SEC22A: variants seen among roughly 807,000 people sequenced by gnomAD.
SEC22A encodes the protein vesicle-trafficking protein SEC22a.
In SEC22A, 22 loss-of-function variants were observed where a neutral mutation model predicts 35.3. That is an observed-to-expected ratio of 0.62 (90% CI 0.45 to 0.89). The LOEUF is 0.89. Ranked by LOEUF, SEC22A falls within the 40% of genes least tolerant of loss-of-function variation. SEC22A has a pLI of 0.00. For missense variants in SEC22A, 354 were observed against 362.5 expected, an observed-to-expected ratio of 0.98 and a Z score of 0.19; for synonymous variants, 119 against 129.5, an observed-to-expected ratio of 0.92 and a Z score of 0.55.
intron 1 of SEC22A, chr3:123,208,496 A>G (rs1037399271): frequency 6.6e-6 from 1 of 152,178 alleles, no homozygotes; most frequent in African/African-American, 2.4e-5. Context: ...AATGCCAGAC[A>G]GAAGTATTAT....
intron 5 of SEC22A, among the ~76,000 whole-genome samples, chr3:123,252,623 T>C (rs1369682993): frequency 6.6e-6 from 1 of 152,236 alleles, no homozygotes; most frequent in African/African-American, 2.4e-5. Flanking sequence ...TCTTTCTGAA[T>C]GCTGAAAATG....
intron 6 of SEC22A, among the ~76,000 whole-genome samples, chr3:123,260,734 T>C (rs1188767772): frequency 6.6e-6 from 1 of 152,322 alleles, no homozygotes; most frequent in Non-Finnish European, 1.5e-5. Flanking sequence ...TCAGTGGACG[T>C]CTTTAGGGAC....
At chr3:123,226,064 G>C (rs1937213838) in intron 4 of SEC22A, among the ~76,000 whole-genome samples, 1 of 152,138 alleles carries the variant, frequency 6.6e-6, no homozygotes, top group South Asian at 2.1e-4. Flanking sequence ...ACTCTGTTGT[G>C]TATGTGTGCC....
intron 5 of SEC22A, among the ~76,000 whole-genome samples, chr3:123,254,055 C>A (rs2108088743): frequency 6.6e-6 from 1 of 152,126 alleles, no homozygotes; most frequent in South Asian, 2.1e-4. Flanking sequence ...CATACATGTA[C>A]ATGTATCCAT....
At chr3:123,250,542 C>T (rs1183161137) in intron 5 of SEC22A, among the ~76,000 whole-genome samples, 8 of 152,212 alleles carry the variant, frequency 5.3e-5, no homozygotes, top group African/African-American at 1.9e-4. Context: ...GTGCCCAGCC[C>T]ACTCTTAGGA....
Position 123,223,733 on chromosome 3 carries a change from G to A in SEC22A, c.346+11G>A. 1.3e-6 allele frequency: 2 copies of A among 1,599,914 alleles called. No homozygotes were observed. Among genetic ancestry groups the A allele is most frequent in the Non-Finnish European group, 1.7e-6 (2 of 1,172,352 alleles). On this transcript the variant is annotated intron_variant, in intron 3 of 6. Coordinates refer to ENST00000492595, the MANE Select transcript of SEC22A (RefSeq NM_012430.5). ...GTTTCATTGAATTTGGTAAGGGCCT[G>A]ATTTTTTTTTCCTTTTTATTCTGTC... is the stretch of plus-strand genomic sequence containing the variant.
intron 2 of SEC22A, among the ~76,000 whole-genome samples, chr3:123,219,314 A>C (rs1207141767): frequency 6.6e-6 from 1 of 152,218 alleles, no homozygotes; most frequent in African/African-American, 2.4e-5. Context: ...ACAGGTTCCA[A>C]AACTCAGAAG....
intron 6 of SEC22A, among the ~76,000 whole-genome samples, chr3:123,261,566 C>G (rs894213843): frequency 1.8e-4 from 26 of 145,110 alleles, no homozygotes; most frequent in Non-Finnish European, 3.4e-4. Context: ...TGATTTTTAT[C>G]TAAAACTGTG....
intron 6 of SEC22A, among the ~76,000 whole-genome samples, chr3:123,265,130 G>A (rs181379149): frequency 1.8e-4 from 27 of 152,072 alleles, no homozygotes; most frequent in African/African-American, 2.9e-4. Flanking sequence ...TTTTCATTCC[G>A]TAAAGAATAT....
intron 4 of SEC22A, among the ~76,000 whole-genome samples, chr3:123,225,709 TGTG>T (rs1368587232): frequency 6.6e-6 from 1 of 152,216 alleles, no homozygotes; most frequent in Non-Finnish European, 1.5e-5. Flanking sequence ...ACATGTCAGT[TGTG>T]CTCTGTTAAT....
intron 6 of SEC22A, among the ~76,000 whole-genome samples, chr3:123,260,169 A>C (rs201892025): frequency 0.19 from 21,515 of 114,648 alleles, 2,307 homozygotes; most frequent in Middle Eastern, 0.31. Context: ...AAAAAAAAAA[A>C]CTACTAGATT....
chr3:123,233,658 A>C (rs181138319), intron 4 of SEC22A, among the ~76,000 whole-genome samples: 141 of 148,248 alleles, frequency 9.5e-4, no homozygotes, highest in East Asian at 8.3e-3. Flanking sequence ...AACAAACAAA[A>C]AAAAACACTC....
At chr3:123,204,674 C>T (rs1936817716) in intron 1 of SEC22A, 1 of 152,172 alleles carries the variant, frequency 6.6e-6, no homozygotes, top group African/African-American at 2.4e-5. Context: ...AAAGTTTACC[C>T]AGATTTACCT....
intron 6 of SEC22A, among the ~76,000 whole-genome samples, chr3:123,263,095 A>T (rs1937928729): frequency 6.6e-6 from 1 of 152,216 alleles, no homozygotes; most frequent in African/African-American, 2.4e-5. Context: ...ATCTCTGGCA[A>T]TTACTAACGC....
At chr3:123,248,390 G>A (rs992527967) in intron 5 of SEC22A, among the ~76,000 whole-genome samples, 1 of 152,156 alleles carries the variant, frequency 6.6e-6, no homozygotes, top group East Asian at 1.9e-4. Flanking sequence ...TAGCAAGATT[G>A]CAGGATATGA....
chr3:123,269,625 ATTTTTTT>A (rs35895285), intron 6 of SEC22A, among the ~76,000 whole-genome samples: 1 of 89,490 alleles, frequency 1.1e-5, no homozygotes, highest in African/African-American at 4.1e-5. Flanking sequence ...AAGGACATGA[ATTTTTTT>A]TTTTTTTTTT....
chr3:123,249,480 AT>A (rs1308027381), intron 5 of SEC22A, among the ~76,000 whole-genome samples: 1 of 152,032 alleles, frequency 6.6e-6, no homozygotes, highest in Non-Finnish European at 1.5e-5. Flanking sequence ...ATTCCAAGTG[AT>A]TTAGGAGTTC....
intron 4 of SEC22A, among the ~76,000 whole-genome samples, chr3:123,243,359 C>T (rs974837877): frequency 7.9e-5 from 12 of 152,078 alleles, no homozygotes; most frequent in Non-Finnish European, 1.5e-4. Context: ...TGGTGCCTGG[C>T]GTGTTGAGAG....
intron 2 of SEC22A, among the ~76,000 whole-genome samples, chr3:123,213,702 C>T (rs1203581391): frequency 1.3e-5 from 2 of 152,152 alleles, no homozygotes; most frequent in African/African-American, 2.4e-5. Flanking sequence ...TTTGATTCCT[C>T]AACTCTTGGC....
Sources: allele counts gnomAD v4.1 joint callset (sites outside exome capture counted in the v4.1 genomes callset), GRCh38; gene constraint gnomAD v4.1.1; transcripts MANE v1.5; gene names NCBI Gene and HGNC (gene_info 2026-07-23, HGNC 2026-07-21).